Variants in IFT81 observed in about 807,000 individuals in gnomAD.
IFT81 encodes the protein intraflagellar transport protein 81 homolog.
In IFT81, 72 loss-of-function variants were observed where a neutral mutation model predicts 102.6. That is an observed-to-expected ratio of 0.70 (90% CI 0.58 to 0.85). IFT81 has a LOEUF of 0.85. IFT81 is among the 40% of genes least tolerant of loss of function. The probability of loss-of-function intolerance (pLI) is 0.00; values close to 1 mark genes in which losing one functional copy is unlikely to be tolerated. For synonymous variants in IFT81, 237 were observed against 242.7 expected, an observed-to-expected ratio of 0.98 and a Z score of 0.22; for missense variants, 723 against 787.3, an observed-to-expected ratio of 0.92 and a Z score of 0.98.
intron 12 of IFT81, among the ~76,000 whole-genome samples, chr12:110,185,372 A>G (rs1897482474): frequency 6.6e-6 from 1 of 150,830 alleles, no homozygotes; most frequent in Admixed American, 6.6e-5. Context: ...TTTTTTTTTT[A>G]GTAGAGACGG....
At chr12:110,191,918 C>T (rs1033354775) in intron 13 of IFT81, among the ~76,000 whole-genome samples, 8 of 152,050 alleles carry the variant, frequency 5.3e-5, no homozygotes, top group Non-Finnish European at 1.2e-4. Context: ...CACCTGTAAT[C>T]CCAGCACTTT....
At chr12:110,209,024 G>T (rs1374514391) in intron 17 of IFT81, 147 bp from the exon 18 acceptor site, 4 of 406,608 alleles carry the variant, frequency 9.8e-6, no homozygotes, top group African/African-American at 8.3e-5. Context: ...GAAAGACAAA[G>T]AATTTTATAA....
chr12:110,165,485 G>A (rs1334781848), intron 11 of IFT81, among the ~76,000 whole-genome samples: 1 of 152,122 alleles, frequency 6.6e-6, no homozygotes, highest in African/African-American at 2.4e-5. Context: ...TAAACAGTTG[G>A]TGAGAAGGTA....
intron 8 of IFT81, among the ~76,000 whole-genome samples, chr12:110,139,960 G>C (rs1395969335): frequency 2.0e-5 from 3 of 151,516 alleles, no homozygotes; most frequent in Non-Finnish European, 4.4e-5. Flanking sequence ...TAGCTGTCCA[G>C]GAGCCTGAGG....
At chr12:110,171,772 C>T (rs775256636) in intron 11 of IFT81, 2 of 152,130 alleles carry the variant, frequency 1.3e-5, no homozygotes, top group Admixed American at 1.3e-4. Flanking sequence ...TTTATTGGAG[C>T]GTGACATGAT....
intron 1 of IFT81, among the ~76,000 whole-genome samples, chr12:110,125,187 A>G (rs570332024): frequency 6.6e-6 from 1 of 152,194 alleles, no homozygotes; most frequent in African/African-American, 2.4e-5. Flanking sequence ...ACTTTTACTT[A>G]AAATACTTTA....
chr12:110,202,855 G>A (rs371699782), intron 14 of IFT81, among the ~76,000 whole-genome samples: 3 of 152,262 alleles, frequency 2.0e-5, no homozygotes, highest in South Asian at 2.1e-4. Flanking sequence ...TTGAGGTGCC[G>A]TTTTGAGATT....
rs1206190084 is a variant in IFT81 at position 110,203,821 on chromosome 12, CTTTG to C, written c.1558-39_1558-36del. The C allele has an allele frequency of 3.7e-6, 5 of 1,335,496 alleles. No individual in the cohort carries two copies. In the Admixed American group the frequency reaches 6.8e-5, roughly 18 times the overall value. The allele number at this position is 1,335,496 out of a possible 1,614,324, so 82.7% of individuals were successfully genotyped here. ...ATTGTTTCAGAGCCATGTTTGGGAC[CTTTG>C]TTTTTCACTTATTCAATCATTTTCC... On this transcript the variant is annotated intron_variant, in intron 14 of 18. Coordinates refer to ENST00000242591, the MANE Select transcript of IFT81 (RefSeq NM_014055.4).
intron 11 of IFT81, among the ~76,000 whole-genome samples, chr12:110,176,104 T>C (rs552582192): frequency 3.9e-5 from 6 of 152,164 alleles, no homozygotes; most frequent in South Asian, 2.1e-4. Context: ...AGCCTATGTC[T>C]CTGTGTGTTT....
chr12:110,183,989 T>G (rs537762152), intron 12 of IFT81, among the ~76,000 whole-genome samples: 1 of 152,210 alleles, frequency 6.6e-6, no homozygotes, highest in Non-Finnish European at 1.5e-5. Context: ...CTCTGCACTT[T>G]AGCCAGGGGA....
chr12:110,165,103 T>G (rs1230973371), intron 11 of IFT81, among the ~76,000 whole-genome samples: 1 of 151,732 alleles, frequency 6.6e-6, no homozygotes, highest in East Asian at 1.9e-4. Context: ...AAAAAAGCAG[T>G]CTTTTTTTTT....
At chr12:110,158,479 T>C (rs1895964014) in intron 10 of IFT81, among the ~76,000 whole-genome samples, 1 of 151,974 alleles carries the variant, frequency 6.6e-6, no homozygotes, top group East Asian at 1.9e-4. Context: ...TAAGGGATCC[T>C]TCTGCCTTAG....
chr12:110,189,865 C>G (rs1897709160), intron 12 of IFT81, among the ~76,000 whole-genome samples: 1 of 152,170 alleles, frequency 6.6e-6, no homozygotes, highest in African/African-American at 2.4e-5. Context: ...TACTTGCGTT[C>G]ACATCCCTAC....
intron 12 of IFT81, among the ~76,000 whole-genome samples, chr12:110,190,624 A>G (rs1331353206): frequency 6.6e-6 from 1 of 152,126 alleles, no homozygotes; most frequent in Non-Finnish European, 1.5e-5. Context: ...TCATTCTTTC[A>G]TCAAATGTTT....
chr12:110,142,800 G>C (rs190837455), intron 8 of IFT81, among the ~76,000 whole-genome samples: 9 of 152,236 alleles, frequency 5.9e-5, no homozygotes, highest in Admixed American at 3.3e-4. Flanking sequence ...CTACTCAGGA[G>C]GCTAAGGTGG....
Position 110,128,202 on chromosome 12 carries a change from C to T in IFT81, c.248+53C>T, listed in dbSNP as rs529823968. 3.8e-6 allele frequency: 4 copies of T among 1,053,910 alleles called. No individual in the cohort carries two copies. In the Middle Eastern group the frequency reaches 6.1e-4, roughly 160 times the overall value. 65.3% of individuals were successfully genotyped at this position (1,053,910 alleles called of 1,614,324 possible). ...TTAAAATTATGCTTTAATATCCAAA[C>T]CTTCATATACTGCAATCAATCTTTG... On this transcript the variant is annotated intron_variant, in intron 3 of 18. Transcript: ENST00000242591.
chr12:110,173,431 C>T (rs1320851819), intron 11 of IFT81, among the ~76,000 whole-genome samples: 5 of 152,220 alleles, frequency 3.3e-5, no homozygotes, highest in Admixed American at 6.5e-5. Context: ...TGAGGAGCCC[C>T]TCTGCCCGGC....
chr12:110,192,887 T>G (rs1675097842), intron 14 of IFT81, among the ~76,000 whole-genome samples, 181 bp downstream of exon 14: 1 of 152,052 alleles, frequency 6.6e-6, no homozygotes, highest in Non-Finnish European at 1.5e-5. Context: ...ACAGGCCAGG[T>G]GTGGTGGCTT....
chr12:110,164,411 T>G (rs1412021544), intron 11 of IFT81, among the ~76,000 whole-genome samples: 1 of 152,174 alleles, frequency 6.6e-6, no homozygotes, highest in Non-Finnish European at 1.5e-5. Context: ...ATAGGTCATA[T>G]TTTAATTTGT....
Sources: allele counts gnomAD v4.1 joint callset (sites outside exome capture counted in the v4.1 genomes callset), GRCh38; gene constraint gnomAD v4.1.1; transcripts MANE v1.5; gene names NCBI Gene and HGNC (gene_info 2026-07-23, HGNC 2026-07-21).